The following STXBP5 variants were observed in gnomAD, a reference collection of about 807,000 sequenced individuals.
The protein encoded by STXBP5 is syntaxin binding protein 5, also known as syntaxin-binding protein 5.
Under a neutral mutation model 152.4 loss-of-function variants are expected in STXBP5, and 50 were observed. The ratio of observed to expected loss-of-function variants is 0.33; its 90% confidence interval spans 0.26 to 0.42. STXBP5 has a LOEUF of 0.42. STXBP5 is among the 10% of genes least tolerant of loss of function. STXBP5 has a pLI of 1.00. For missense variants in STXBP5, 1,167 were observed against 1,388.6 expected (o/e 0.84, Z 2.54); for synonymous variants, 492 against 494.7 (o/e 0.99, Z 0.07).
chr6:147,224,095 T>C (rs1777590332), intron 2 of STXBP5, among the ~76,000 whole-genome samples: 2 of 152,224 alleles, frequency 1.3e-5, no homozygotes, highest in Non-Finnish European at 2.9e-5. Flanking sequence ...ATAAAAGACC[T>C]TGAAGTCTAA....
chr6:147,231,735 G>GT (rs1485390475), intron 2 of STXBP5, among the ~76,000 whole-genome samples: 3 of 151,670 alleles, frequency 2.0e-5, no homozygotes. Flanking sequence ...AGTTTCAGAC[G>GT]TTTAATTTTT....
rs1777448854 is a variant in STXBP5 at position 147,221,299 on chromosome 6, A to G, written c.249-13951A>G. Among the ~76,000 whole-genome samples the G allele has an allele frequency of 2.0e-5, 3 of 152,040 alleles. No homozygotes were observed. The South Asian group carries it at 6.2e-4, about 31-fold the overall frequency. Reference sequence around the variant, plus strand: ...AACTGGATACATTGTTGCTGTTATTATTTTGAAGAAACTATTACTACTAGA... The same window carrying G: ...AACTGGATACATTGTTGCTGTTATTGTTTTGAAGAAACTATTACTACTAGA... On this transcript the variant is annotated intron_variant, in intron 2 of 27. Coordinates refer to ENST00000321680, the MANE Select transcript of STXBP5 (RefSeq NM_001127715.4).
chr6:147,384,243 T>A (rs1786232901), intron 27 of STXBP5, among the ~76,000 whole-genome samples: 1 of 152,100 alleles, frequency 6.6e-6, no homozygotes, highest in Non-Finnish European at 1.5e-5. Flanking sequence ...AGCTTCAGTT[T>A]CATTTATTAA....
intron 9 of STXBP5, among the ~76,000 whole-genome samples, chr6:147,308,758 C>T (rs1322419144): frequency 6.6e-6 from 1 of 151,914 alleles, no homozygotes; most frequent in African/African-American, 2.4e-5. Context: ...ATATGATTAC[C>T]CATCTAATTA....
At chr6:147,342,325 C>A (rs561470911) in intron 21 of STXBP5, among the ~76,000 whole-genome samples, 16 of 152,228 alleles carry the variant, frequency 1.1e-4, no homozygotes, top group Admixed American at 9.8e-4. Context: ...TACCCTAGCC[C>A]ATCTACCCAA....
chr6:147,364,304 T>C, intron 25 of STXBP5, 138 bp downstream of exon 25: 2 of 717,402 alleles, frequency 2.8e-6, no homozygotes, highest in Middle Eastern at 3.9e-4. Flanking sequence ...AATTAGACTT[T>C]CAGAGCACAT....
At chr6:147,205,055 A>G (rs980845281) in intron 1 of STXBP5, among the ~76,000 whole-genome samples, 18 of 152,154 alleles carry the variant, frequency 1.2e-4, no homozygotes, top group African/African-American at 4.1e-4. Context: ...AACGGTGTCT[A>G]ATGAATGTTG....
At chr6:147,222,174 T>C (rs1777492922) in intron 2 of STXBP5, among the ~76,000 whole-genome samples, 2 of 152,334 alleles carry the variant, frequency 1.3e-5, no homozygotes, top group Admixed American at 1.3e-4. Flanking sequence ...GTGTACTTTA[T>C]CCATTAGAGC....
chr6:147,275,040 A>G (rs533652451), intron 7 of STXBP5, among the ~76,000 whole-genome samples: 20 of 152,264 alleles, frequency 1.3e-4, no homozygotes, highest in Middle Eastern at 3.4e-3. Flanking sequence ...TTTGATAGGT[A>G]AGCAGTTAGC....
At chr6:147,315,764 C>G (rs1231639288) in intron 15 of STXBP5, 29 bp downstream of exon 15, 5 of 1,579,076 alleles carry the variant, frequency 3.2e-6, no homozygotes, top group African/African-American at 1.3e-5. Context: ...TTTTCATGGT[C>G]AAGTTATTTT....
At chr6:147,383,846 A>G (rs976407656) in intron 27 of STXBP5, among the ~76,000 whole-genome samples, 4 of 152,038 alleles carry the variant, frequency 2.6e-5, no homozygotes, top group Non-Finnish European at 4.4e-5. Context: ...ATGAAGAGGT[A>G]ACTTGACCTG....
chr6:147,354,718 C>A (rs1246118837), intron 22 of STXBP5, among the ~76,000 whole-genome samples: 1 of 152,138 alleles, frequency 6.6e-6, no homozygotes, highest in Non-Finnish European at 1.5e-5. Context: ...CTCACATTTA[C>A]AAATCATGTA....
rs1247519020 is a variant in STXBP5, at chr6:147,323,328, T to TA, written c.1803-1630dup. On this transcript the variant is annotated intron_variant, in intron 16 of 27. Transcript: ENST00000321680. ...TTGGTGACCCTGTTCTACTTCGTCT[T>TA]ACCTATGTTCACCAAATTAATCTTC... Among the ~76,000 whole-genome samples the TA allele has an allele frequency of 1.8e-4, 28 of 152,278 alleles. 1 individual carries two copies. The South Asian group carries it at 5.4e-3, about 29-fold the overall frequency.
chr6:147,302,514 C>T (rs2128362901), intron 9 of STXBP5, among the ~76,000 whole-genome samples: 2 of 152,064 alleles, frequency 1.3e-5, no homozygotes, highest in Admixed American at 1.3e-4. Context: ...GATGCAGGGA[C>T]ATTAAAAGAA....
rs1181381164 is a variant in STXBP5, at chr6:147,230,941, CTGGTGATGATGA to C, written c.249-4288_249-4277del. 9.3e-3 allele frequency among the ~76,000 whole-genome samples: 1,418 copies of C among 151,866 alleles called. 14 individuals carry two copies. The highest frequency in any genetic ancestry group is 0.028 in the African/African-American group (1,162 of 41,494). On this transcript the variant is annotated intron_variant, in intron 2 of 27. Transcript: ENST00000321680. ...GTAAATCTCAGCTTCCGTGATGATGCTGGTGATGATGATGGTGATGATGATGGTGATGTACTT... is the reference window on the plus strand; with the variant it reads ...GTAAATCTCAGCTTCCGTGATGATGCTGGTGATGATGATGGTGATGTACTT...
At chr6:147,262,249 C>T (rs775954107) in intron 5 of STXBP5, 41 bp from the exon 6 acceptor site, 10 of 1,260,338 alleles carry the variant, frequency 7.9e-6, no homozygotes, top group Non-Finnish European at 1.1e-5. Context: ...TATTAAAATT[C>T]TTAACTGAAG....
At chr6:147,274,350 G>A (rs562631760) in intron 7 of STXBP5, among the ~76,000 whole-genome samples, 21 of 152,108 alleles carry the variant, frequency 1.4e-4, no homozygotes, top group African/African-American at 5.1e-4. Context: ...TAATGGAAAG[G>A]GCAGTGGTTT....
At chr6:147,243,066 G>A (rs1408311113) in intron 4 of STXBP5, among the ~76,000 whole-genome samples, 1 of 152,094 alleles carries the variant, frequency 6.6e-6, no homozygotes, top group African/African-American at 2.4e-5. Context: ...TTCACATGCA[G>A]TTTTTTTGTG....
At chr6:147,344,767 A>G (rs1184198047) in intron 21 of STXBP5, among the ~76,000 whole-genome samples, 1 of 150,444 alleles carries the variant, frequency 6.6e-6, no homozygotes, top group African/African-American at 2.5e-5. Context: ...GCTTCTATAT[A>G]TGAATTTTGC....
Sources: allele counts gnomAD v4.1 joint callset (sites outside exome capture counted in the v4.1 genomes callset), GRCh38; gene constraint gnomAD v4.1.1; transcripts MANE v1.5; gene names NCBI Gene and HGNC (gene_info 2026-07-23, HGNC 2026-07-21).